NRG1: variants seen among roughly 807,000 people sequenced by gnomAD.
NRG1 encodes the protein neuregulin 1.
NRG1 carries 18 observed loss-of-function variants against 63.8 expected under a neutral mutation model. That is an observed-to-expected ratio of 0.28 (90% CI 0.19 to 0.42). The LOEUF is 0.42. Ranked by LOEUF, NRG1 falls within the 10% of genes least tolerant of loss-of-function variation. The probability of loss-of-function intolerance (pLI) is 1.00; values close to 1 mark genes in which losing one functional copy is unlikely to be tolerated. For missense variants in NRG1, 762 were observed against 814.7 expected, an observed-to-expected ratio of 0.94 and a Z score of 0.79; for synonymous variants, 302 against 301.3, an observed-to-expected ratio of 1.00 and a Z score of -0.02.
At chr8:31,655,885 G>A (rs1805389674) in intron 1 of NRG1, among the ~76,000 whole-genome samples, 1 of 152,206 alleles carries the variant, frequency 6.6e-6, no homozygotes, top group African/African-American at 2.4e-5. Flanking sequence ...CGGTGGGGAG[G>A]ATGGCCCCCA....
At chr8:32,432,404 T>C (rs942758449) in intron 1 of NRG1, among the ~76,000 whole-genome samples, 1 of 152,170 alleles carries the variant, frequency 6.6e-6, no homozygotes, top group Non-Finnish European at 1.5e-5. Context: ...TAAGAGAGTT[T>C]AAAAAATTTG....
At chr8:31,792,846 G>A (rs1484563733) in intron 1 of NRG1, among the ~76,000 whole-genome samples, 2 of 152,124 alleles carry the variant, frequency 1.3e-5, no homozygotes, top group African/African-American at 4.8e-5. Context: ...GGAAACCATT[G>A]TCGCATTGCT....
At chr8:32,364,541 A>G (rs993272987) in intron 1 of NRG1, among the ~76,000 whole-genome samples, 1 of 152,154 alleles carries the variant, frequency 6.6e-6, no homozygotes, top group African/African-American at 2.4e-5. Context: ...GTATTTCTAT[A>G]TTTTAATGCA....
chr8:32,463,124 G>A (rs1822541490), intron 1 of NRG1, among the ~76,000 whole-genome samples: 1 of 151,880 alleles, frequency 6.6e-6, no homozygotes, highest in African/African-American at 2.4e-5. Context: ...TGTTGCAAAT[G>A]CTAGAATCTC....
At chr8:31,865,581 A>G (rs1828884094) in intron 1 of NRG1, among the ~76,000 whole-genome samples, 1 of 152,026 alleles carries the variant, frequency 6.6e-6, no homozygotes, top group South Asian at 2.1e-4. Flanking sequence ...ATAGTGAGTG[A>G]GTTATCATGA....
chr8:31,962,223 G>A (rs1404189865), intron 1 of NRG1, among the ~76,000 whole-genome samples: 1 of 152,194 alleles, frequency 6.6e-6, no homozygotes, highest in Non-Finnish European at 1.5e-5. Context: ...GGTCAAAATT[G>A]TCTACAGAAA....
At chr8:32,060,267 G>T (rs1400529713) in intron 1 of NRG1, among the ~76,000 whole-genome samples, 8 of 151,432 alleles carry the variant, frequency 5.3e-5, no homozygotes, top group African/African-American at 1.9e-4. Flanking sequence ...AACAAAAATG[G>T]CAGACTGCTT....
chr8:32,538,150 C>T (rs1181122770), intron 1 of NRG1, among the ~76,000 whole-genome samples: 2 of 152,128 alleles, frequency 1.3e-5, no homozygotes, highest in African/African-American at 4.8e-5. Context: ...CTGCGCTCAG[C>T]TGAGACAGTG....
chr8:32,449,144 A>G (rs1311648349), intron 1 of NRG1, among the ~76,000 whole-genome samples: 1 of 151,884 alleles, frequency 6.6e-6, no homozygotes, highest in Non-Finnish European at 1.5e-5. Context: ...AAAAAGTACA[A>G]CAATTAGCTG....
chr8:32,503,008 G>A (rs1201935221), intron 1 of NRG1, among the ~76,000 whole-genome samples: 11 of 152,034 alleles, frequency 7.2e-5, no homozygotes, highest in African/African-American at 1.9e-4. Flanking sequence ...AAAAGTAGCC[G>A]GGCGCAGTGG....
chr8:32,034,211 G>A (rs1818695317), intron 1 of NRG1, among the ~76,000 whole-genome samples: 1 of 152,126 alleles, frequency 6.6e-6, no homozygotes, highest in African/African-American at 2.4e-5. Flanking sequence ...AAATAATCAT[G>A]TGGTTTTTGT....
At chr8:32,548,929 C>A (rs36213544) in intron 1 of NRG1, 103 bp downstream of exon 1, 2 of 1,376,194 alleles carry the variant, frequency 1.5e-6, no homozygotes, top group Non-Finnish European at 1.9e-6. Context: ...CTCCCTCGCC[C>A]GTCCTCTTCG....
At chr8:31,961,599 A>C (rs576710949) in intron 1 of NRG1, among the ~76,000 whole-genome samples, 17 of 152,304 alleles carry the variant, frequency 1.1e-4, no homozygotes, top group Admixed American at 3.3e-4. Context: ...CTTTGATAAG[A>C]TACTGATCTT....
intron 1 of NRG1, among the ~76,000 whole-genome samples, chr8:32,460,755 A>G (rs1474963011): frequency 6.6e-6 from 1 of 152,014 alleles, no homozygotes; most frequent in Non-Finnish European, 1.5e-5. Flanking sequence ...AGAGTTATCT[A>G]TTTCTCCCTT....
intron 1 of NRG1, among the ~76,000 whole-genome samples, chr8:32,062,016 A>G (rs557659620): frequency 6.6e-6 from 1 of 152,214 alleles, no homozygotes; most frequent in Admixed American, 6.6e-5. Flanking sequence ...CAAAATTCTA[A>G]AAGTCTCTTA....
intron 1 of NRG1, among the ~76,000 whole-genome samples, chr8:31,767,668 C>T (rs979863357): frequency 5.3e-5 from 8 of 151,810 alleles, no homozygotes; most frequent in African/African-American, 1.2e-4. Flanking sequence ...GCGGAAACCC[C>T]GTCTCTACTA....
At chr8:32,253,168 C>T (rs1245711820) in intron 1 of NRG1, among the ~76,000 whole-genome samples, 2 of 152,132 alleles carry the variant, frequency 1.3e-5, no homozygotes, top group East Asian at 1.9e-4. Flanking sequence ...TCCTCTTTTC[C>T]AATTTGAATA....
chr8:31,840,656 A>G (rs1008671288), intron 1 of NRG1, among the ~76,000 whole-genome samples: 13 of 152,158 alleles, frequency 8.5e-5, no homozygotes, highest in African/African-American at 2.9e-4. Context: ...TCACTAGTGC[A>G]CTACACACAC....
chr8:31,957,205 T>C (rs1047976551), intron 1 of NRG1, among the ~76,000 whole-genome samples: 4 of 145,100 alleles, frequency 2.8e-5, no homozygotes, highest in Non-Finnish European at 4.6e-5. Context: ...TTTTTTTTTC[T>C]TGTCTTTGGC....
Sources: gnomAD v4.1 joint callset for allele counts (sites outside exome capture counted in the v4.1 genomes callset) on GRCh38, gnomAD v4.1.1 for gene constraint, MANE v1.5 for transcripts, NCBI Gene and HGNC (gene_info 2026-07-23, HGNC 2026-07-21) for gene names.